The following CLCN5 variants were observed in gnomAD, a reference collection of about 807,000 sequenced individuals.
CLCN5 encodes H(+)/Cl(-) exchange transporter 5.
A neutral mutation model predicts 54.0 loss-of-function variants in CLCN5; 17 were observed. The observed-to-expected ratio is 0.31, with a 90% CI of 0.22 to 0.47. The LOEUF is 0.47. CLCN5 is among the 20% of genes least tolerant of loss of function. The probability of loss-of-function intolerance (pLI) is 1.00; values close to 1 mark genes in which losing one functional copy is unlikely to be tolerated. For synonymous variants in CLCN5, 222 were observed against 233.0 expected (o/e 0.95, Z 0.43); for missense variants, 448 against 646.7 (o/e 0.69, Z 3.33).
At chrX:50,002,555 C>T (rs1366704021) in intron 3 of CLCN5, among the ~76,000 whole-genome samples, 9 of 111,792 alleles carry the variant, frequency 8.1e-5, no homozygotes, top group African/African-American at 2.9e-4. Context: ...TCATACTTCT[C>T]ACTTCCTCTA....
At chrX:50,081,965 A>G (rs1557193266) in intron 9 of CLCN5, 118 bp downstream of exon 9, 1 of 631,791 alleles carries the variant, frequency 1.6e-6, no homozygotes. Context: ...TGACCCAGCA[A>G]TTCCACTTGT....
At chrX:49,946,093 T>G (rs1926725371) in intron 3 of CLCN5, among the ~76,000 whole-genome samples, 1 of 112,179 alleles carries the variant, frequency 8.9e-6, no homozygotes, top group Admixed American at 9.5e-5. Context: ...TGCCTTTACT[T>G]AAATATCAAT....
chrX:49,992,499 TCCAAA>T (rs1207130180), intron 3 of CLCN5, among the ~76,000 whole-genome samples: 2 of 111,233 alleles, frequency 1.8e-5, no homozygotes, highest in Non-Finnish European at 3.8e-5. Flanking sequence ...TGGCAGAATC[TCCAAA>T]CCAAAGTTTA....
At chrX:49,980,378 A>G (rs1304111646) in intron 3 of CLCN5, among the ~76,000 whole-genome samples, 5 of 111,930 alleles carry the variant, frequency 4.5e-5, no homozygotes, top group Admixed American at 1.9e-4. Context: ...GGATAAATGG[A>G]CTTGTGATTG....
At chrX:50,051,987 C>T (rs1557188422) in intron 4 of CLCN5, among the ~76,000 whole-genome samples, 1 of 111,439 alleles carries the variant, frequency 9.0e-6, no homozygotes, top group African/African-American at 3.3e-5. Flanking sequence ...CAAATAAAGA[C>T]AGTTTTATTT....
chrX:49,943,978 A>C (rs1926540523), intron 3 of CLCN5, among the ~76,000 whole-genome samples: 2 of 111,787 alleles, frequency 1.8e-5, no homozygotes, highest in African/African-American at 3.3e-5. Flanking sequence ...CATTGAATCT[A>C]TAAATTAACC....
intron 3 of CLCN5, among the ~76,000 whole-genome samples, chrX:49,938,001 G>A (rs1282674772): frequency 9.0e-6 from 1 of 111,567 alleles, no homozygotes; most frequent in African/African-American, 3.3e-5. Context: ...GATACAAGAA[G>A]TCAAAGGGTT....
At chrX:49,941,076 C>T (rs111629678) in intron 3 of CLCN5, among the ~76,000 whole-genome samples, 1,259 of 111,431 alleles carry the variant, frequency 0.011, 19 homozygotes, top group African/African-American at 0.039. Flanking sequence ...CCTGTAATCC[C>T]GGCACTTTGG....
intron 4 of CLCN5, chrX:50,067,588 A>C (rs1337154846): frequency 1.3e-6 from 1 of 752,010 alleles, no homozygotes; most frequent in Non-Finnish European, 1.6e-6. Flanking sequence ...GAACACTGGT[A>C]GTTCTTTAGG....
chrX:50,006,197 G>GT (rs1930143003), intron 3 of CLCN5, among the ~76,000 whole-genome samples: 1 of 112,263 alleles, frequency 8.9e-6, no homozygotes, highest in African/African-American at 3.2e-5. Flanking sequence ...ATATTTTAAA[G>GT]TTACAGCCAG....
chrX:49,932,714 G>C (rs1299214740), intron 3 of CLCN5, among the ~76,000 whole-genome samples: 1 of 112,656 alleles, frequency 8.9e-6, no homozygotes, highest in East Asian at 2.8e-4. Context: ...ATGTGCAAAA[G>C]ATGGCAAATT....
chrX:50,059,415 G>T (rs1404135906), intron 4 of CLCN5, among the ~76,000 whole-genome samples: 1 of 111,914 alleles, frequency 8.9e-6, no homozygotes, highest in Non-Finnish European at 1.9e-5. Context: ...ATTGGGAAAT[G>T]ATCTGGTCAG....
At chrX:50,000,420 C>T (rs1557180183) in intron 3 of CLCN5, among the ~76,000 whole-genome samples, 1 of 110,881 alleles carries the variant, frequency 9.0e-6, no homozygotes, top group East Asian at 2.9e-4. Flanking sequence ...CCTTATTACC[C>T]CTTTTCTGTG....
At chrX:49,989,339 A>C (rs1557178614) in intron 3 of CLCN5, among the ~76,000 whole-genome samples, 1 of 111,116 alleles carries the variant, frequency 9.0e-6, no homozygotes, top group African/African-American at 3.3e-5. Context: ...AGTCCTACCC[A>C]CTCAATGCCT....
At chrX:50,045,921 G>A (rs1932377068) in intron 4 of CLCN5, among the ~76,000 whole-genome samples, 1 of 112,301 alleles carries the variant, frequency 8.9e-6, no homozygotes, top group African/African-American at 3.2e-5. Context: ...AGGTGAAACT[G>A]CATAAAATAC....
intron 3 of CLCN5, among the ~76,000 whole-genome samples, chrX:50,028,228 C>T (rs1476551522): frequency 9.0e-6 from 1 of 111,449 alleles, no homozygotes; most frequent in Non-Finnish European, 1.9e-5. Flanking sequence ...GTTGATTAGG[C>T]CCTGGTAAAA....
Position 49,937,288 on chromosome X carries a change from G to C in CLCN5, c.16+11974G>C, listed in dbSNP as rs782711242. ...CAAGAAACAGTTGTCAGTTACCTTG[G>C]AGATTAGAGGTGGCAAGGCTAGGGA... On this transcript the variant is annotated intron_variant, in intron 3 of 14. Coordinates refer to ENST00000376091, the MANE Select transcript of CLCN5 (RefSeq NM_001127898.4). Among the ~76,000 whole-genome samples the C allele has an allele frequency of 2.7e-5, 3 of 111,955 alleles. No homozygotes were observed. In the South Asian group the frequency reaches 1.1e-3, roughly 42 times the overall value.
intron 3 of CLCN5, among the ~76,000 whole-genome samples, chrX:49,937,442 A>G (rs1381347057): frequency 8.9e-6 from 1 of 111,852 alleles, no homozygotes; most frequent in Non-Finnish European, 1.9e-5. Flanking sequence ...AATTTATACT[A>G]AGAAATAAAA....
chrX:49,990,255 C>G (rs782340160), intron 3 of CLCN5, among the ~76,000 whole-genome samples: 13 of 110,442 alleles, frequency 1.2e-4, no homozygotes, highest in African/African-American at 4.3e-4. Flanking sequence ...ACCTCTGCCT[C>G]CCGGGTCCAA....
Sources: allele counts gnomAD v4.1 joint callset (sites outside exome capture counted in the v4.1 genomes callset), GRCh38; gene constraint gnomAD v4.1.1; transcripts MANE v1.5; gene names NCBI Gene and HGNC (gene_info 2026-07-23, HGNC 2026-07-21).